Variants in PADI3 observed in about 807,000 individuals in gnomAD.
PADI3 encodes peptidyl arginine deiminase 3.
Under a neutral mutation model 71.5 loss-of-function variants are expected in PADI3, and 53 were observed. The ratio of observed to expected loss-of-function variants is 0.74; its 90% CI spans 0.59 to 0.93. The LOEUF (loss-of-function observed/expected upper bound fraction) is 0.93. PADI3 is among the 40% of genes least tolerant of loss of function. The pLI is 0.00. For missense variants in PADI3, 821 were observed against 868.0 expected, an observed-to-expected ratio of 0.95 and a Z score of 0.68; for synonymous variants, 361 against 347.5, an observed-to-expected ratio of 1.04 and a Z score of -0.43.
chr1:17,264,246 C>T (rs910710870), intron 3 of PADI3, among the ~76,000 whole-genome samples: 26 of 152,032 alleles, frequency 1.7e-4, no homozygotes, highest in African/African-American at 5.8e-4. Context: ...AGCCCAAATA[C>T]ATACACACAT....
At position 17,267,846 on chromosome 1, in the gene PADI3, A is replaced by G; in HGVS notation, c.536A>G (p.Asp179Gly). 1.9e-6 allele frequency: 3 copies of G among 1,613,862 alleles called. No individual in the cohort carries two copies. The highest frequency in any genetic ancestry group is 2.5e-6 in the Non-Finnish European group (3 of 1,180,026). The change falls in exon 6 of 16, where the codon GAC (aspartate) becomes GGC (glycine). Residue 179 changes from aspartate (D) to glycine (G), a missense_variant. Asp to Gly is a moderately conservative substitution (Grantham distance 94, BLOSUM62 -1). Transcript: ENST00000375460. ...QHVHCLQDLE[D>G]MSVMVLRTQG... ...CTGTCTGGCTTCACAGACCTGGAAG[A>G]CATGTCTGTCATGGTCCTGCGGACG...
chr1:17,254,768 A>C (rs2073008359), intron 1 of PADI3, among the ~76,000 whole-genome samples: 1 of 136,448 alleles, frequency 7.3e-6, no homozygotes, highest in African/African-American at 2.8e-5. Context: ...CCCAGGCTGG[A>C]GTGCAATGGG....
intron 15 of PADI3, among the ~76,000 whole-genome samples, chr1:17,282,192 AC>A (rs1330929012): frequency 6.6e-6 from 1 of 152,154 alleles, no homozygotes; most frequent in Non-Finnish European, 1.5e-5. Context: ...TTCGCAAGAG[AC>A]AGAGTCCTAC....
chr1:17,250,617 G>A (rs2072954946), intron 1 of PADI3, among the ~76,000 whole-genome samples: 1 of 152,204 alleles, frequency 6.6e-6, no homozygotes, highest in Non-Finnish European at 1.5e-5. Context: ...TGGGTGGGCA[G>A]TAGGAGGAGG....
chr1:17,270,030 G>T (rs961817870), intron 6 of PADI3, among the ~76,000 whole-genome samples: 1 of 152,178 alleles, frequency 6.6e-6, no homozygotes, highest in African/African-American at 2.4e-5. Flanking sequence ...ATGAGCGCCA[G>T]TCTTAGAAAG....
chr1:17,267,324 T>C (rs72646778), intron 5 of PADI3, among the ~76,000 whole-genome samples: 13,856 of 152,162 alleles, frequency 0.091, 746 homozygotes, highest in Non-Finnish European at 0.12. Flanking sequence ...TTTCTGTGAC[T>C]CCCCCACCTC....
In PADI3 at chr1:17,270,337, G is replaced by A. The variant is rs1286957274; in HGVS notation, c.757G>A (p.Gly253Ser). The change falls in exon 7 of 16, where the codon GGC becomes AGC. Residue 253 changes from glycine to serine, a missense_variant. Transcript: ENST00000375460. ...HGDEERFFVE[G>S]LSFPDAGFTG... Reference sequence around the variant, plus strand: ...GGATGAGGAGCGCTTCTTCGTGGAAGGCCTGTCCTTCCCTGATGCCGGCTT... The same window carrying A: ...GGATGAGGAGCGCTTCTTCGTGGAAAGCCTGTCCTTCCCTGATGCCGGCTT... 3 of 1,613,946 alleles carry A rather than the reference G, an allele frequency of 1.9e-6. No homozygotes were observed. Among genetic ancestry groups the A allele is most frequent in the Non-Finnish European group, 2.5e-6 (3 of 1,180,018 alleles).
At chr1:17,269,303 C>T (rs2073214126) in intron 6 of PADI3, among the ~76,000 whole-genome samples, 1 of 152,172 alleles carries the variant, frequency 6.6e-6, no homozygotes, top group East Asian at 1.9e-4. Flanking sequence ...AAGTAATAAT[C>T]CCACACACCT....
chr1:17,266,960 A>G, intron 5 of PADI3, 124 bp downstream of exon 5: 1 of 738,008 alleles, frequency 1.4e-6, no homozygotes, highest in South Asian at 1.6e-5. Context: ...GCCTCCAGAC[A>G]CACCTCGATG....
intron 1 of PADI3, among the ~76,000 whole-genome samples, chr1:17,251,397 C>G (rs2072964443): frequency 6.6e-6 from 1 of 152,148 alleles, no homozygotes; most frequent in African/African-American, 2.4e-5. Flanking sequence ...CTGCAACTTC[C>G]CAGCTCTCTG....
chr1:17,274,185 C>T (rs1377797733), intron 10 of PADI3, among the ~76,000 whole-genome samples: 11 of 152,052 alleles, frequency 7.2e-5, no homozygotes, highest in Admixed American at 7.2e-4. Context: ...TGAGAGATAG[C>T]CCTGGGGAGG....
chr1:17,263,425 C>T (rs552329609), intron 3 of PADI3, among the ~76,000 whole-genome samples: 3 of 151,996 alleles, frequency 2.0e-5, no homozygotes, highest in African/African-American at 7.2e-5. Flanking sequence ...CATAGACAGA[C>T]CCATGCTTGT....
chr1:17,252,735 C>G (rs2072981659), intron 1 of PADI3, among the ~76,000 whole-genome samples: 1 of 152,170 alleles, frequency 6.6e-6, no homozygotes, highest in Non-Finnish European at 1.5e-5. Context: ...AAATCAAAAT[C>G]CCAGGATGAC....
chr1:17,262,698 A>G (rs2977266), intron 3 of PADI3, among the ~76,000 whole-genome samples: 5,911 of 152,356 alleles, frequency 0.039, 175 homozygotes, highest in East Asian at 0.12. Context: ...GATTTTAAAA[A>G]TGCTTTTGAA....
rs369208700 is a variant in PADI3, at chr1:17,276,736, A to C, written c.1453-38A>C. 1.1e-4 allele frequency: 174 copies of C among 1,613,788 alleles called. No homozygotes were observed. In the African/African-American group the frequency reaches 2.1e-3, roughly 20 times the overall value. Reference sequence around the variant, plus strand: ...AACTGAGCTCCAGGGCGCCATGCCAAGGCAGGAGGCTCAGCTGAATCTGTT... The same window carrying C: ...AACTGAGCTCCAGGGCGCCATGCCACGGCAGGAGGCTCAGCTGAATCTGTT... On this transcript the variant is annotated intron_variant, in intron 12 of 15. Coordinates refer to ENST00000375460, the MANE Select transcript of PADI3 (RefSeq NM_016233.2).
intron 1 of PADI3, 39 bp from the exon 2 acceptor site, chr1:17,259,539 T>C: frequency 6.6e-7 from 1 of 1,523,670 alleles, no homozygotes; most frequent in Middle Eastern, 1.8e-4. Context: ...GCAAAATATA[T>C]CTCCTTCGGC....
At chr1:17,270,510 T>G (rs2073233527) in intron 7 of PADI3, 99 bp downstream of exon 7, 8 of 1,108,250 alleles carry the variant, frequency 7.2e-6, no homozygotes, top group Non-Finnish European at 1.0e-5. Flanking sequence ...TAGCGAGGTA[T>G]AGTGGTGTAC....
chr1:17,267,139 C>G (rs116696181), intron 5 of PADI3, among the ~76,000 whole-genome samples: 3 of 152,134 alleles, frequency 2.0e-5, no homozygotes, highest in Non-Finnish European at 4.4e-5. Context: ...GTGTGCCAGG[C>G]CTTTTCCCCA....
chr1:17,258,139 A>T (rs968949447), intron 1 of PADI3, among the ~76,000 whole-genome samples: 1 of 152,224 alleles, frequency 6.6e-6, no homozygotes, highest in African/African-American at 2.4e-5. Flanking sequence ...AGAGGATTGC[A>T]TGATGGGCTG....
Sources: allele counts gnomAD v4.1 joint callset (sites outside exome capture counted in the v4.1 genomes callset), GRCh38; gene constraint gnomAD v4.1.1; transcripts MANE v1.5; gene names NCBI Gene and HGNC (gene_info 2026-07-23, HGNC 2026-07-21).